UBE2QL1: variants seen among roughly 807,000 people sequenced by gnomAD.
The protein encoded by UBE2QL1 is ubiquitin conjugating enzyme E2 QL1, also known as ubiquitin-conjugating enzyme E2Q-like protein 1.
In UBE2QL1, 5 loss-of-function variants were observed where a neutral mutation model predicts 12.6. That is an observed-to-expected ratio of 0.40 (90% CI 0.21 to 0.83). The LOEUF (loss-of-function observed/expected upper bound fraction) is 0.83, where lower values mean the gene tolerates loss of function less well. Ranked by LOEUF, UBE2QL1 falls within the 40% of genes least tolerant of loss-of-function variation. UBE2QL1 has a pLI of 0.37. For missense variants in UBE2QL1, 99 were observed against 222.6 expected (o/e 0.44, Z 3.53); for synonymous variants, 96 against 94.5 (o/e 1.02, Z -0.10).
intron 1 of UBE2QL1, among the ~76,000 whole-genome samples, chr5:6,486,266 T>C (rs187091028): frequency 1.4e-4 from 21 of 151,920 alleles, no homozygotes; most frequent in African/African-American, 5.1e-4. Context: ...TGAAGCCAGG[T>C]CTACTGAATT....
Position 6,489,945 on chromosome 5 carries a change from G to A in UBE2QL1, c.355-1273G>A, listed in dbSNP as rs574519655. The stretch of plus-strand genomic sequence containing the variant: ...CAGTGCCCCGAATTGGAAGTGCAGA[G>A]GGTCTGTTCAGAGAGAAATTCTGTT... On this transcript the variant is annotated intron_variant, in intron 1 of 1. Transcript: ENST00000399816. Among the ~76,000 whole-genome samples, 6 of 152,358 alleles carry A rather than the reference G, an allele frequency of 3.9e-5. No homozygotes were observed. The East Asian group carries it at 9.6e-4, about 24-fold the overall frequency.
rs1283815416 is a variant in UBE2QL1 at position 6,479,229 on chromosome 5, G to A, written c.355-11989G>A. 2.0e-5 allele frequency among the ~76,000 whole-genome samples: 3 copies of A among 152,028 alleles called. No individual in the cohort carries two copies. Among genetic ancestry groups the A allele is most frequent in the Non-Finnish European group, 4.4e-5 (3 of 68,004 alleles). On this transcript the variant is annotated intron_variant, in intron 1 of 1. Transcript: ENST00000399816. This position sits in a 1 kb window ranked among gnomAD's most constrained non-coding sequence, Gnocchi z 4.2. ...CCGAGAATGGGTGGGCTGAGATAGCGATGGGGCCCTGGATTCTCTTCCTGT... is the reference window on the plus strand; with the variant it reads ...CCGAGAATGGGTGGGCTGAGATAGCAATGGGGCCCTGGATTCTCTTCCTGT...
At chr5:6,458,707 G>T (rs1405311883) in intron 1 of UBE2QL1, among the ~76,000 whole-genome samples, 2 of 152,154 alleles carry the variant, frequency 1.3e-5, no homozygotes, top group Non-Finnish European at 2.9e-5. Context: ...AGTGACATAT[G>T]CTACTCAACT....
At chr5:6,486,800 G>A (rs1347428734) in intron 1 of UBE2QL1, among the ~76,000 whole-genome samples, 27 of 152,148 alleles carry the variant, frequency 1.8e-4, no homozygotes, top group Admixed American at 1.3e-3. Context: ...CTGTGGGGAC[G>A]TTTAACAATG....
chr5:6,479,997 C>T lies in UBE2QL1; in HGVS notation c.355-11221C>T, dbSNP rs1203031042. Among the ~76,000 whole-genome samples, 1 of 152,252 alleles carries T rather than the reference C, an allele frequency of 6.6e-6. No homozygotes were observed. Among genetic ancestry groups the T allele is most frequent in the African/African-American group, 2.4e-5 (1 of 41,468 alleles). ...GGCCAGGAGCTCCCTGTTGAGATGACATTGAGAGAGACACAGGTAATTGGT... is the reference window on the plus strand; with the variant it reads ...GGCCAGGAGCTCCCTGTTGAGATGATATTGAGAGAGACACAGGTAATTGGT... On this transcript the variant is annotated intron_variant, in intron 1 of 1. Transcript: ENST00000399816. This position sits in a 1 kb window ranked among gnomAD's most constrained non-coding sequence, Gnocchi z 4.2.
At position 6,479,387 on chromosome 5, in the gene UBE2QL1, A is replaced by C. The variant is rs1001532405; in HGVS notation, c.355-11831A>C. Among the ~76,000 whole-genome samples the C allele has an allele frequency of 1.3e-5, 2 of 152,128 alleles. No homozygotes were observed. Among genetic ancestry groups the C allele is most frequent in the Non-Finnish European group, 2.9e-5 (2 of 68,022 alleles). On this transcript the variant is annotated intron_variant, in intron 1 of 1. Transcript: ENST00000399816. This position sits in a 1 kb window ranked among gnomAD's most constrained non-coding sequence, Gnocchi z 4.2. ...AGAACACCATTGTTTCTTGCAGGTC[A>C]CTCACTGAGCGTAGGAGCAGACAGA...
Position 6,481,387 on chromosome 5 carries a change from G to A in UBE2QL1, c.355-9831G>A, listed in dbSNP as rs1430174946. On this transcript the variant is annotated intron_variant, in intron 1 of 1. Coordinates refer to ENST00000399816, the MANE Select transcript of UBE2QL1 (RefSeq NM_001145161.3). This position sits in a 1 kb window ranked among gnomAD's most constrained non-coding sequence, Gnocchi z 4.5. Reference sequence around the variant, plus strand: ...ATCCCCATGCAGGAGGTGAGGGCGGGTAGTGACATGGGTGCAGCGGCTAGG... The same window carrying A: ...ATCCCCATGCAGGAGGTGAGGGCGGATAGTGACATGGGTGCAGCGGCTAGG... Among the ~76,000 whole-genome samples, 1 of 152,208 alleles carries A rather than the reference G, an allele frequency of 6.6e-6. No homozygotes were observed. Among genetic ancestry groups the A allele is most frequent in the Admixed American group, 6.5e-5 (1 of 15,290 alleles).
At chr5:6,464,159 G>A (rs1032905239) in intron 1 of UBE2QL1, among the ~76,000 whole-genome samples, 1 of 152,086 alleles carries the variant, frequency 6.6e-6, no homozygotes, top group African/African-American at 2.4e-5. Context: ...TGGGAAACAG[G>A]CCTAGCAAAC....
intron 1 of UBE2QL1, among the ~76,000 whole-genome samples, chr5:6,464,609 T>C (rs531769845): frequency 1.3e-5 from 2 of 152,296 alleles, no homozygotes; most frequent in South Asian, 4.1e-4. Context: ...AGGAGATGAC[T>C]TACGGCGCTC....
At chr5:6,459,620 G>C (rs998057530) in intron 1 of UBE2QL1, among the ~76,000 whole-genome samples, 1 of 152,116 alleles carries the variant, frequency 6.6e-6, no homozygotes, top group Non-Finnish European at 1.5e-5. Context: ...ACAGTTATCA[G>C]AACATGTTTT....
rs1319089055 is a variant in UBE2QL1 at position 6,495,186 on chromosome 5, T to A, written c.*3837T>A. On this transcript the variant is annotated 3_prime_UTR_variant, in exon 2 of 2. Coordinates refer to ENST00000399816, the MANE Select transcript of UBE2QL1 (RefSeq NM_001145161.3). ...GGAGAACTGGAGTCCCCTTGCCACC[T>A]CTCACCTGCAGAGTCCCTATTCATG... Among the ~76,000 whole-genome samples, 1 of 152,134 alleles carries A rather than the reference T, an allele frequency of 6.6e-6. No individual in the cohort carries two copies. Among genetic ancestry groups the A allele is most frequent in the Non-Finnish European group, 1.5e-5 (1 of 68,016 alleles).
In UBE2QL1 at chr5:6,478,601, T is replaced by G. The variant is rs1734286159; in HGVS notation, c.355-12617T>G. On this transcript the variant is annotated intron_variant, in intron 1 of 1. Transcript: ENST00000399816. This position sits in a 1 kb window ranked among gnomAD's most constrained non-coding sequence, Gnocchi z 4.5. ...CTCTGATTCCTGTCACATTTCCTAG[T>G]GACATTCTTGGTCTCTTTCGGTTTT... 6.6e-6 allele frequency among the ~76,000 whole-genome samples: 1 copy of G among 151,490 alleles called. No homozygotes were observed. The highest frequency in any genetic ancestry group is 1.5e-5 in the Non-Finnish European group (1 of 67,904).
chr5:6,471,356 A>G (rs1315299207), intron 1 of UBE2QL1, among the ~76,000 whole-genome samples: 2 of 152,186 alleles, frequency 1.3e-5, no homozygotes, highest in African/African-American at 4.8e-5. Context: ...TGGGTCTGTC[A>G]TAGAGCTGCA....
intron 1 of UBE2QL1, among the ~76,000 whole-genome samples, chr5:6,462,495 C>CA (rs1739694428): frequency 6.6e-6 from 1 of 152,204 alleles, no homozygotes; most frequent in South Asian, 2.1e-4. Flanking sequence ...CAGTGCTCCT[C>CA]AAGGAGCTGC....
intron 1 of UBE2QL1, among the ~76,000 whole-genome samples, chr5:6,459,170 A>G (rs1324903931): frequency 2.0e-5 from 3 of 152,050 alleles, no homozygotes; most frequent in South Asian, 2.1e-4. Context: ...GATCTCTTTC[A>G]TAATGTACCC....
intron 1 of UBE2QL1, among the ~76,000 whole-genome samples, chr5:6,480,620 A>G (rs1734339742): frequency 6.6e-6 from 1 of 152,190 alleles, no homozygotes. Flanking sequence ...CCTCCAAGAA[A>G]GTACCATCTG....
Position 6,479,007 on chromosome 5 carries a change from GC to G in UBE2QL1, c.355-12208del, listed in dbSNP as rs1273056865. Among the ~76,000 whole-genome samples, 4 of 152,130 alleles carry G rather than the reference GC, an allele frequency of 2.6e-5. No homozygotes were observed. The highest frequency in any genetic ancestry group is 9.7e-5 in the African/African-American group (4 of 41,422). On this transcript the variant is annotated intron_variant, in intron 1 of 1. Coordinates refer to ENST00000399816, the MANE Select transcript of UBE2QL1 (RefSeq NM_001145161.3). This position sits in a 1 kb window ranked among gnomAD's most constrained non-coding sequence, Gnocchi z 4.2. ...GCCAGGCCTCATGACAGAGCTGCCT[GC>G]CCTGGGGGCGTCCCTTCTATCGTGT...
chr5:6,455,158 C>T (rs1325614620), intron 1 of UBE2QL1, among the ~76,000 whole-genome samples: 1 of 152,108 alleles, frequency 6.6e-6, no homozygotes, highest in East Asian at 1.9e-4. Flanking sequence ...ATTGGGTTTT[C>T]TCTGTAAGGA....
intron 1 of UBE2QL1, among the ~76,000 whole-genome samples, chr5:6,465,525 A>G (rs1300424110): frequency 6.6e-6 from 1 of 152,204 alleles, no homozygotes; most frequent in Non-Finnish European, 1.5e-5. Context: ...CCAAGACCCA[A>G]TCTCAGGATC....
Sources: allele counts gnomAD v4.1 joint callset (sites outside exome capture counted in the v4.1 genomes callset), GRCh38; gene constraint gnomAD v4.1.1; non-coding constraint Gnocchi (gnomAD v3.1); transcripts MANE v1.5; gene names NCBI Gene and HGNC (gene_info 2026-07-23, HGNC 2026-07-21).